Variants in ZNF780B observed in about 807,000 individuals in gnomAD.
ZNF780B encodes the protein zinc finger protein 779.
Under a neutral mutation model 74.1 loss-of-function variants are expected in ZNF780B, and 52 were observed. The ratio of observed to expected loss-of-function variants is 0.70; its 90% CI spans 0.56 to 0.88. The LOEUF is 0.88. Ranked by LOEUF, ZNF780B falls within the 40% of genes least tolerant of loss-of-function variation. ZNF780B has a pLI of 0.00. For synonymous variants in ZNF780B, 315 were observed against 324.3 expected (o/e 0.97, Z 0.31); for missense variants, 953 against 1,007.6 (o/e 0.95, Z 0.73).
intron 3 of ZNF780B, 107 bp downstream of exon 3, chr19:40,048,560 TAAG>T (rs1331146560): frequency 7.2e-6 from 11 of 1,538,386 alleles, no homozygotes; most frequent in South Asian, 1.1e-5. Context: ...CCTTCGGGAA[TAAG>T]AAGAAGGAAT....
chr19:40,041,679 T>C (rs1379384991), intron 4 of ZNF780B, among the ~76,000 whole-genome samples: 1 of 152,174 alleles, frequency 6.6e-6, no homozygotes, highest in Admixed American at 6.5e-5. Flanking sequence ...TTTGTCTCTT[T>C]TGATCTTTGT....
At position 40,048,924 on chromosome 19, in the gene ZNF780B, T is replaced by C. The variant is rs77058591; in HGVS notation, c.10-128A>G. The C allele has an allele frequency of 1.3e-3, 1,841 of 1,415,452 alleles. 26 individuals are homozygous for C. In the African/African-American group the frequency reaches 0.024, roughly 18 times the overall value. 87.7% of individuals were successfully genotyped at this position (1,415,452 alleles called of 1,614,324 possible). On this transcript the variant is annotated intron_variant, in intron 2 of 4. Transcript: ENST00000434248. ...AAAATCGCAGAGTGCCTACACATTC[T>C]TCAAGAATCCTGCTGCTGGCCTGGT...
rs368145478 is a variant in ZNF780B, at chr19:40,035,324, C to T, written c.1535G>A (p.Arg512His). 106 of 1,613,810 alleles carry T rather than the reference C, an allele frequency of 6.6e-5. No homozygotes were observed. The highest frequency in any genetic ancestry group is 8.0e-5 in the Non-Finnish European group (94 of 1,179,988). ...ECKDCGKAFN[R>H]GSNLVQHQSI... ...CTGATGTTGAACAAGGTTCGAGCCA[C>T]GATTGAAGGCCTTCCCACAGTCTTT... is the stretch of plus-strand genomic sequence containing the variant. The change falls in exon 5 of 5, where the codon CGT becomes CAT. Residue 512 changes from arginine to histidine, a missense_variant. Transcript: ENST00000434248.
At chr19:40,047,312 T>C in intron 4 of ZNF780B, 63 bp downstream of exon 4, 1 of 1,422,236 alleles carries the variant, frequency 7.0e-7, no homozygotes, top group Non-Finnish European at 9.9e-7. Flanking sequence ...GTGACTCCTC[T>C]CTGAGCACAT....
rs114702355 is a variant in ZNF780B, at chr19:40,035,697, G to A, written c.1162C>T (p.Pro388Ser). Residue 388 changes from proline to serine, a missense_variant, in exon 5 of 5, where the codon CCA becomes TCA. Pro to Ser is a moderately conservative substitution (Grantham distance 74, BLOSUM62 -1). Coordinates refer to ENST00000434248, the MANE Select transcript of ZNF780B (RefSeq NM_001005851.3). ...TTCCCACATTCTTTACATTCAAATGGTTTTTCACCTGTGTGAATATTCTTA... is the reference window on the plus strand; with the variant it reads ...TTCCCACATTCTTTACATTCAAATGATTTTTCACCTGTGTGAATATTCTTA... Reference protein sequence around the residue: ...RHKNIHTGEKPFECKECGKSF... With the variant: ...RHKNIHTGEKSFECKECGKSF... The A allele has an allele frequency of 6.2e-7, 1 of 1,613,950 alleles. No individual in the cohort carries two copies. The highest frequency in any genetic ancestry group is 8.5e-7 in the Non-Finnish European group (1 of 1,180,024).
At chr19:40,038,761 TG>T in intron 4 of ZNF780B, among the ~76,000 whole-genome samples, 1 of 152,316 alleles carries the variant, frequency 6.6e-6, no homozygotes, top group Middle Eastern at 3.4e-3. Flanking sequence ...TTGATGGGGT[TG>T]TTTTTTTCTT....
chr19:40,040,057 T>C (rs998442651), intron 4 of ZNF780B, among the ~76,000 whole-genome samples: 9 of 151,778 alleles, frequency 5.9e-5, no homozygotes, highest in African/African-American at 1.9e-4. Context: ...TTGTCATAGA[T>C]AGCTCTTATT....
chr19:40,044,251 A>T (rs1431931084), intron 4 of ZNF780B, among the ~76,000 whole-genome samples: 1 of 152,230 alleles, frequency 6.6e-6, no homozygotes, highest in Non-Finnish European at 1.5e-5. Context: ...CAACTCTAGT[A>T]AGAGATGCAG....
intron 2 of ZNF780B, among the ~76,000 whole-genome samples, chr19:40,049,210 G>T (rs1358508899): frequency 7.0e-6 from 1 of 142,274 alleles, no homozygotes; most frequent in African/African-American, 2.7e-5. Flanking sequence ...CTCCAGCCTG[G>T]GCTACAGAGT....
rs376696846 is a variant in ZNF780B at position 40,035,872 on chromosome 19, G to A, written c.987C>T (p.Gly329=). 128 of 1,612,642 alleles carry A rather than the reference G, an allele frequency of 7.9e-5. No homozygotes were observed. The highest frequency in any genetic ancestry group is 7.8e-5 in the Non-Finnish European group (92 of 1,179,686). ...ATTCTTTACATTCAAAGGGTTTCTC[G>A]CCAGTATGAATTCGGCAATGTTCAA... is the stretch of plus-strand genomic sequence containing the variant. ...QLIEHCRIHT[G]EKPFECKECR... is the part of the protein sequence containing the mutation. The change falls in exon 5 of 5, where the codon GGC becomes GGT. Residue 329 remains glycine (G), a synonymous_variant. Coordinates refer to ENST00000434248, the MANE Select transcript of ZNF780B (RefSeq NM_001005851.3).
Position 40,033,210 on chromosome 19 carries a change from T to G in ZNF780B, c.*1147A>C, listed in dbSNP as rs374798473. On this transcript the variant is annotated 3_prime_UTR_variant, in exon 5 of 5. Transcript: ENST00000434248. ...AACAATGAAAAAGTTTGAAATATTA[T>G]GAAAACTAGCAAAGTGTGACACAAA... 12 of 154,880 alleles carry G rather than the reference T, an allele frequency of 7.7e-5. No homozygotes were observed. The East Asian group carries it at 9.6e-4, about 12-fold the overall frequency. 9.6% of individuals were successfully genotyped at this position (154,880 alleles called of 1,614,324 possible).
Position 40,035,146 on chromosome 19 carries a change from A to T in ZNF780B, c.1713T>A (p.Asn571Lys). The T allele has an allele frequency of 6.2e-7, 1 of 1,613,344 alleles. No individual in the cohort carries two copies. The highest frequency in any genetic ancestry group is 8.5e-7 in the Non-Finnish European group (1 of 1,179,604). The change falls in exon 5 of 5, where the codon AAT becomes AAA. Residue 571 changes from asparagine (N) to lysine (K), a missense_variant. Transcript: ENST00000434248. ...ECGKFFRRGS[N>K]LNQHRSIHTG... is the part of the protein sequence containing the mutation. ...TATGAATACTTCGATGTTGATTAAG[A>T]TTTGAACCACGACGAAAGAATTTCC...
At chr19:40,054,211 C>T (rs1973371544) in intron 1 of ZNF780B, among the ~76,000 whole-genome samples, 1 of 151,856 alleles carries the variant, frequency 6.6e-6, no homozygotes, top group East Asian at 1.9e-4. Context: ...GTTTACAGGT[C>T]GGGGGTAATG....
In ZNF780B at chr19:40,030,610, T is replaced by G. The variant is rs1971970081; in HGVS notation, c.*3747A>C. ...AGCCACCGTGCCTGGCCGTGATTTT[T>G]AAATTTGTACATACTTGGTTTGTAA... is the stretch of plus-strand genomic sequence containing the variant. On this transcript the variant is annotated 3_prime_UTR_variant, in exon 5 of 5. Coordinates refer to ENST00000434248, the MANE Select transcript of ZNF780B (RefSeq NM_001005851.3). 6.6e-6 allele frequency: 1 copy of G among 152,266 alleles called. No homozygotes were observed. Among genetic ancestry groups the G allele is most frequent in the Non-Finnish European group, 1.5e-5 (1 of 68,056 alleles). The allele number at this position is 152,266 out of a possible 1,614,324, so 9.4% of individuals were successfully genotyped here. A position where few individuals can be genotyped will look rare whatever the true frequency, so the allele number is the denominator to read the frequency against.
rs1971973954 is a variant in ZNF780B, at chr19:40,030,723, A to C, written c.*3634T>G. 6.6e-6 allele frequency: 1 copy of C among 152,194 alleles called. No homozygotes were observed. The highest frequency in any genetic ancestry group is 6.5e-5 in the Admixed American group (1 of 15,270). The allele number at this position is 152,194 out of a possible 1,614,324, so 9.4% of individuals were successfully genotyped here. On this transcript the variant is annotated 3_prime_UTR_variant, in exon 5 of 5. Coordinates refer to ENST00000434248, the MANE Select transcript of ZNF780B (RefSeq NM_001005851.3). ...TACTGCCATGATTGCATGATGATAGAGTTTCACCGAAAGGCTGCCAGGGAT... is the reference window on the plus strand; with the variant it reads ...TACTGCCATGATTGCATGATGATAGCGTTTCACCGAAAGGCTGCCAGGGAT...
At chr19:40,039,407 T>A (rs1168958444) in intron 4 of ZNF780B, among the ~76,000 whole-genome samples, 2 of 152,144 alleles carry the variant, frequency 1.3e-5, no homozygotes, top group African/African-American at 4.8e-5. Context: ...TCTTTTTTGG[T>A]TCCATATGAA....
intron 2 of ZNF780B, among the ~76,000 whole-genome samples, chr19:40,049,656 G>C (rs16974036): frequency 1.2e-3 from 177 of 152,244 alleles, no homozygotes; most frequent in African/African-American, 3.2e-3. Context: ...AGGTGTTCCC[G>C]AGTGTGGTCA....
At chr19:40,038,701 C>G (rs1344873569) in intron 4 of ZNF780B, among the ~76,000 whole-genome samples, 1 of 152,136 alleles carries the variant, frequency 6.6e-6, no homozygotes, top group Non-Finnish European at 1.5e-5. Context: ...TTTTTGGCTG[C>G]ATAAATGTCT....
rs771982036 is a variant in ZNF780B, at chr19:40,035,817, G to T, written c.1042C>A (p.Leu348Ile). ...CRKAFTLLTK[L>I]VRHQKIHMGE... The stretch of plus-strand genomic sequence containing the variant: ...ATATGAATCTTCTGATGTCGAACAA[G>T]CTTTGTCAGAAGAGTAAAGGCCTTT... The change falls in exon 5 of 5, where the codon CTT becomes ATT. Residue 348 changes from leucine to isoleucine, a missense_variant. Coordinates refer to ENST00000434248, the MANE Select transcript of ZNF780B (RefSeq NM_001005851.3). 1.1e-4 allele frequency: 184 copies of T among 1,613,972 alleles called. No individual in the cohort carries two copies. The highest frequency in any genetic ancestry group is 1.7e-4 in the Admixed American group (10 of 59,972).
Sources: gnomAD v4.1 joint callset for allele counts (sites outside exome capture counted in the v4.1 genomes callset) on GRCh38, gnomAD v4.1.1 for gene constraint, MANE v1.5 for transcripts, NCBI Gene and HGNC (gene_info 2026-07-23, HGNC 2026-07-21) for gene names.